Variants in SYT17 observed in about 807,000 individuals in gnomAD.
The protein encoded by SYT17 is synaptotagmin 17.
Under a neutral mutation model 46.7 loss-of-function variants are expected in SYT17, and 22 were observed. The observed-to-expected ratio is 0.47, with a 90% CI of 0.34 to 0.67. SYT17 has a LOEUF of 0.67. Ranked by LOEUF, SYT17 falls within the 30% of genes least tolerant of loss-of-function variation. The pLI is 0.01. For missense variants in SYT17, 519 were observed against 612.8 expected, an observed-to-expected ratio of 0.85 and a Z score of 1.62; for synonymous variants, 251 against 248.4, an observed-to-expected ratio of 1.01 and a Z score of -0.10.
intron 7 of SYT17, among the ~76,000 whole-genome samples, chr16:19,259,682 AT>A (rs67609928): frequency 0.018 from 2,679 of 147,872 alleles, 51 homozygotes; most frequent in African/African-American, 0.048. Flanking sequence ...GAATGTTTTG[AT>A]TTTTTTTTTT....
intron 2 of SYT17, chr16:19,173,073 G>GTAAT: frequency 1.8e-6 from 1 of 568,324 alleles, no homozygotes; most frequent in Non-Finnish European, 3.1e-6. Flanking sequence ...AGAAGACACA[G>GTAAT]TAATATTCAT....
intron 5 of SYT17, among the ~76,000 whole-genome samples, chr16:19,192,344 C>A (rs947130664): frequency 6.6e-6 from 1 of 152,096 alleles, no homozygotes; most frequent in African/African-American, 2.4e-5. Flanking sequence ...TCGCTTGAAT[C>A]CGGGAGACAG....
At chr16:19,231,975 G>C (rs931665615) in intron 7 of SYT17, among the ~76,000 whole-genome samples, 1 of 152,170 alleles carries the variant, frequency 6.6e-6, no homozygotes, top group Non-Finnish European at 1.5e-5. Context: ...GGAGTGAGAG[G>C]AGCTGACACG....
chr16:19,220,303 C>CTTTCTTTTTTTTTTTTTTTTTTTTTTTT (rs776097400), intron 5 of SYT17, among the ~76,000 whole-genome samples: 18 of 80,496 alleles, frequency 2.2e-4, no homozygotes, highest in Admixed American at 5.2e-4. Context: ...TTCTTTCTTT[C>CTTTCTTTTTTTTTTTTTTTTTTTTTTTT]TTTTTTTTTT....
intron 7 of SYT17, among the ~76,000 whole-genome samples, chr16:19,257,630 A>C (rs1968670982): frequency 6.6e-6 from 1 of 152,140 alleles, no homozygotes; most frequent in African/African-American, 2.4e-5. Flanking sequence ...CACCCTGATG[A>C]TGGGCTGTGG....
chr16:19,258,699 A>G (rs1968756140), intron 7 of SYT17, among the ~76,000 whole-genome samples: 1 of 152,126 alleles, frequency 6.6e-6, no homozygotes, highest in Admixed American at 6.6e-5. Context: ...TGCTACTGAT[A>G]TTTAGTGTGA....
chr16:19,193,419 G>A (rs986483203), intron 5 of SYT17, among the ~76,000 whole-genome samples: 2 of 152,226 alleles, frequency 1.3e-5, no homozygotes, highest in African/African-American at 4.8e-5. Context: ...ACACTGGAAT[G>A]CTGGATATTT....
At chr16:19,242,624 C>G (rs956378519) in intron 7 of SYT17, among the ~76,000 whole-genome samples, 41 of 152,140 alleles carry the variant, frequency 2.7e-4, no homozygotes, top group African/African-American at 9.2e-4. Context: ...TCCCTAGGCT[C>G]AAGTGATCCT....
intron 5 of SYT17, among the ~76,000 whole-genome samples, chr16:19,212,185 C>T (rs1406662302): frequency 6.6e-6 from 1 of 152,144 alleles, no homozygotes; most frequent in Non-Finnish European, 1.5e-5. Flanking sequence ...AGAGATGCTG[C>T]TAAACTTCCT....
chr16:19,180,150 T>C, intron 3 of SYT17: 1 of 477,140 alleles, frequency 2.1e-6, no homozygotes. Context: ...TTTGAAATTA[T>C]GCAAGTTCTT....
intron 5 of SYT17, chr16:19,211,421 T>A: frequency 1.4e-6 from 1 of 703,810 alleles, no homozygotes; most frequent in Non-Finnish European, 2.6e-6. Flanking sequence ...AGTGGACACA[T>A]GGGCACTTTC....
At position 19,173,463 on chromosome 16, in the gene SYT17, T is replaced by A. The variant is rs915783508; in HGVS notation, c.67T>A (p.Cys23Ser). 2.4e-5 allele frequency: 37 copies of A among 1,546,208 alleles called. 2 individuals are homozygous for A. Among genetic ancestry groups the A allele is most frequent in the East Asian group, 2.3e-4 (9 of 38,708 alleles). The stretch of plus-strand genomic sequence containing the variant: ...TTCTAGAATCTCTGGTCTGCTGCTG[T>A]GCAGATGGACCTGCCGGCACTGCTG... ...FLSRISGLLL[C>S]RWTCRHCCQK... The change falls in exon 3 of 8, where the codon TGC (cysteine) becomes AGC (serine). Residue 23 changes from cysteine to serine, a missense_variant. Physicochemically the swap from Cys to Ser is moderately radical, Grantham distance 112. Transcript: ENST00000355377.
intron 7 of SYT17, among the ~76,000 whole-genome samples, chr16:19,231,243 G>A (rs939941123): frequency 2.0e-5 from 3 of 152,076 alleles, no homozygotes; most frequent in Non-Finnish European, 4.4e-5. Context: ...TCCCCTAAGT[G>A]GCCAGGGTTT....
At chr16:19,217,246 AGT>A (rs773125376) in intron 5 of SYT17, among the ~76,000 whole-genome samples, 7 of 152,176 alleles carry the variant, frequency 4.6e-5, no homozygotes, top group South Asian at 2.1e-4. Flanking sequence ...GTAAATTCTC[AGT>A]GGTGTGCAAC....
At chr16:19,213,442 T>C (rs1965980366) in intron 5 of SYT17, among the ~76,000 whole-genome samples, 1 of 152,218 alleles carries the variant, frequency 6.6e-6, no homozygotes, top group African/African-American at 2.4e-5. Flanking sequence ...ATGTAGGCTC[T>C]GTAGATAAGG....
In SYT17 at chr16:19,187,814, T is replaced by C. The variant is rs115427276; in HGVS notation, c.951+3667T>C. On this transcript the variant is annotated intron_variant, in intron 5 of 7. Transcript: ENST00000355377. ...ATCTCATACCAGTCAGAATGGCTAC[T>C]ATTAAAAAGTCCAAAATAACAGATG... Among the ~76,000 whole-genome samples the C allele has an allele frequency of 2.6e-3, 389 of 152,304 alleles. 2 individuals carry two copies. Among genetic ancestry groups the C allele is most frequent in the African/African-American group, 9.0e-3 (376 of 41,572 alleles).
At position 19,183,510 on chromosome 16, in the gene SYT17, A is replaced by T. The variant is rs1185069276; in HGVS notation, c.332-18A>T. On this transcript the variant is annotated intron_variant, in intron 4 of 7. Coordinates refer to ENST00000355377, the MANE Select transcript of SYT17 (RefSeq NM_016524.4). This position sits in a 1 kb window ranked among gnomAD's most constrained non-coding sequence, Gnocchi z 5.6. ...CCCGTATGTGGCTGTCTTCATTGTT[A>T]TTTCTGGTGGCTCTCAGGTCTTGAG... 1 of 1,612,012 alleles carries T rather than the reference A, an allele frequency of 6.2e-7. No homozygotes were observed. Among genetic ancestry groups the T allele is most frequent in the Admixed American group, 1.7e-5 (1 of 59,888 alleles).
At chr16:19,232,811 G>A (rs1966749832) in intron 7 of SYT17, among the ~76,000 whole-genome samples, 1 of 151,242 alleles carries the variant, frequency 6.6e-6, no homozygotes, top group Non-Finnish European at 1.5e-5. Context: ...CAGTCTAGGT[G>A]ACAGAGCCAG....
intron 7 of SYT17, among the ~76,000 whole-genome samples, chr16:19,231,827 T>A (rs1327497149): frequency 1.3e-5 from 2 of 152,212 alleles, no homozygotes; most frequent in African/African-American, 4.8e-5. Flanking sequence ...ACGGCCTGTG[T>A]TCTCATGGAG....
Sources: allele counts gnomAD v4.1 joint callset (sites outside exome capture counted in the v4.1 genomes callset), GRCh38; gene constraint gnomAD v4.1.1; non-coding constraint Gnocchi (gnomAD v3.1); transcripts MANE v1.5; gene names NCBI Gene and HGNC (gene_info 2026-07-23, HGNC 2026-07-21).